The following ZNF274 variants were observed in gnomAD, a reference collection of about 807,000 sequenced individuals.
The protein encoded by ZNF274 is neurotrophin receptor-interacting factor homolog.
ZNF274 carries 23 observed loss-of-function variants against 42.5 expected under a neutral mutation model. That is an observed-to-expected ratio of 0.54 (90% CI 0.39 to 0.77). The LOEUF (loss-of-function observed/expected upper bound fraction) is 0.77, where lower values mean the gene tolerates loss of function less well. ZNF274 is among the 30% of genes least tolerant of loss of function. The probability of loss-of-function intolerance (pLI) is 0.00; values close to 1 mark genes in which losing one functional copy is unlikely to be tolerated. For missense variants in ZNF274, 679 were observed against 806.5 expected (o/e 0.84, Z 1.91); for synonymous variants, 292 against 305.4 (o/e 0.96, Z 0.46).
intron 4 of ZNF274, among the ~76,000 whole-genome samples, chr19:58,197,597 A>G (rs2075859430): frequency 1.3e-5 from 2 of 152,218 alleles, no homozygotes. Flanking sequence ...GGAACTCAGT[A>G]CATAACGTTG....
rs1291323301 is a variant in ZNF274, at chr19:58,213,180, T to G, written c.*37T>G. ...GTTGAAGAAACCTTGCCTTTTCAGC[T>G]TGACCCTGCAATATAACATGCACAG... On this transcript the variant is annotated 3_prime_UTR_variant, in exon 8 of 8. Coordinates refer to ENST00000617501, the MANE Select transcript of ZNF274 (RefSeq NM_133502.3). 6.4e-7 allele frequency: 1 copy of G among 1,570,794 alleles called. No homozygotes were observed. The highest frequency in any genetic ancestry group is 8.6e-7 in the Non-Finnish European group (1 of 1,159,298).
chr19:58,189,185 C>G (rs542109886), intron 4 of ZNF274, among the ~76,000 whole-genome samples: 1 of 151,794 alleles, frequency 6.6e-6, no homozygotes, highest in East Asian at 1.9e-4. Flanking sequence ...ATATCATATC[C>G]CAGACCATAT....
chr19:58,209,858 G>A (rs1459709165), intron 5 of ZNF274, 103 bp from the exon 6 acceptor site: 4 of 678,966 alleles, frequency 5.9e-6, no homozygotes, highest in Middle Eastern at 4.1e-4. Context: ...GCCACAGTAC[G>A]ATGCAGGGGT....
At chr19:58,186,409 G>C (rs910057575) in intron 3 of ZNF274, among the ~76,000 whole-genome samples, 2 of 150,968 alleles carry the variant, frequency 1.3e-5, no homozygotes, top group Non-Finnish European at 3.0e-5. Flanking sequence ...AAAATTAGCC[G>C]AGCACCCCAG....
At chr19:58,209,813 T>C (rs997875520) in intron 5 of ZNF274, 148 bp from the exon 6 acceptor site, 1 of 582,248 alleles carries the variant, frequency 1.7e-6, no homozygotes, top group Non-Finnish European at 3.1e-6. Flanking sequence ...GCAGAGCTGG[T>C]GGGAAGGGAG....
At chr19:58,197,366 G>GAAATAATAAATGAAATAATAAATGA (rs2075856288) in intron 4 of ZNF274, among the ~76,000 whole-genome samples, 1 of 152,160 alleles carries the variant, frequency 6.6e-6, no homozygotes, top group African/African-American at 2.4e-5. Context: ...GAACCCCGTT[G>GAAATAATAAATGAAATAATAAATGA]AATAATAAAA....
intron 4 of ZNF274, among the ~76,000 whole-genome samples, chr19:58,205,427 A>G (rs1384007945): frequency 6.6e-6 from 1 of 152,248 alleles, no homozygotes; most frequent in South Asian, 2.1e-4. Context: ...TAACTGTAAA[A>G]TCAAATTATT....
chr19:58,199,702 G>A (rs1312428647), intron 4 of ZNF274, among the ~76,000 whole-genome samples: 3 of 152,246 alleles, frequency 2.0e-5, no homozygotes, highest in Non-Finnish European at 4.4e-5. Context: ...TATGGTGCGA[G>A]ATTCCATCTC....
chr19:58,207,686 C>T lies in ZNF274; in HGVS notation c.739+484C>T, dbSNP rs1448667867. On this transcript the variant is annotated intron_variant, in intron 5 of 7. Transcript: ENST00000617501. The surrounding 1 kb of genome is among the most constrained non-coding windows in gnomAD (Gnocchi z 5.6). ...AAGGGGGCAGGAAAGATGTGCCATG[C>T]AGAGGGGAGCACTGCCTGTAAGGGC... 6.6e-6 allele frequency among the ~76,000 whole-genome samples: 1 copy of T among 152,090 alleles called. No individual in the cohort carries two copies. Among genetic ancestry groups the T allele is most frequent in the Non-Finnish European group, 1.5e-5 (1 of 68,024 alleles).
intron 4 of ZNF274, among the ~76,000 whole-genome samples, chr19:58,206,325 T>C (rs2075978054): frequency 6.6e-6 from 1 of 152,244 alleles, no homozygotes; most frequent in Admixed American, 6.5e-5. Flanking sequence ...CCTCAGTTGA[T>C]AGACAATGGG....
chr19:58,187,185 T>C (rs772422404), intron 4 of ZNF274, 143 bp downstream of exon 4: 16 of 674,334 alleles, frequency 2.4e-5, no homozygotes, highest in African/African-American at 2.3e-4. Context: ...TCGAAGTTTT[T>C]CTCTGGCTCC....
chr19:58,183,905 A>G lies in ZNF274; in HGVS notation c.-45-16A>G. On this transcript the variant is annotated splice_polypyrimidine_tract_variant and intron_variant, in intron 1 of 7. Transcript: ENST00000617501. ...CCTTAAGCCTCTCCCTCCCCTCCCA[A>G]CTTCGGTTTCCTCAGGACTCTGCCC... The G allele has an allele frequency of 6.5e-7, 1 of 1,549,908 alleles. No individual in the cohort carries two copies. Among genetic ancestry groups the G allele is most frequent in the Non-Finnish European group, 8.7e-7 (1 of 1,143,368 alleles).
rs140471136 is a variant in ZNF274 at position 58,188,556 on chromosome 19, T to G, written c.256+1514T>G. ...TTGCTTAAACCCAGGAGATGGAGGTTGCAGTGAGCAGAGATCATGCCACTG... is the reference window on the plus strand; with the variant it reads ...TTGCTTAAACCCAGGAGATGGAGGTGGCAGTGAGCAGAGATCATGCCACTG... On this transcript the variant is annotated intron_variant, in intron 4 of 7. Transcript: ENST00000617501. Among the ~76,000 whole-genome samples, 7 of 145,842 alleles carry G rather than the reference T, an allele frequency of 4.8e-5. No homozygotes were observed. The East Asian group carries it at 1.4e-3, about 29-fold the overall frequency.
Position 58,183,935 on chromosome 19 carries a change from C to G in ZNF274, c.-31C>G, listed in dbSNP as rs1439849960. 6.3e-7 allele frequency: 1 copy of G among 1,584,980 alleles called. No individual in the cohort carries two copies. Among genetic ancestry groups the G allele is most frequent in the African/African-American group, 1.3e-5 (1 of 74,384 alleles). On this transcript the variant is annotated 5_prime_UTR_variant, in exon 2 of 8. Coordinates refer to ENST00000617501, the MANE Select transcript of ZNF274 (RefSeq NM_133502.3). ...GGTTTCCTCAGGACTCTGCCCACTT[C>G]CACCAGAGACACATTGAGAAGGAGG...
chr19:58,211,720 G>A lies in ZNF274; in HGVS notation c.979+34G>A. ...GTGCCCCCTCTTCACCCACCTCAGGGCTGGTAGGCCACAGGAGCCCCAAGT... is the reference window on the plus strand; with the variant it reads ...GTGCCCCCTCTTCACCCACCTCAGGACTGGTAGGCCACAGGAGCCCCAAGT... On this transcript the variant is annotated intron_variant, in intron 7 of 7. Transcript: ENST00000617501. This position sits in a 1 kb window ranked among gnomAD's most constrained non-coding sequence, Gnocchi z 4.8. 6.3e-7 allele frequency: 1 copy of A among 1,589,132 alleles called. No homozygotes were observed. The highest frequency in any genetic ancestry group is 8.6e-7 in the Non-Finnish European group (1 of 1,165,078).
At chr19:58,202,090 G>A (rs2075919496) in intron 4 of ZNF274, 1 of 152,262 alleles carries the variant, frequency 6.6e-6, no homozygotes, top group South Asian at 2.1e-4. Context: ...TTCCAGACAA[G>A]GAGGAAAAGT....
rs567274882 is a variant in ZNF274 at position 58,212,550 on chromosome 19, G to A, written c.1369G>A (p.Val457Ile). Residue 457 changes from valine to isoleucine, a missense_variant, in exon 8 of 8, where the codon GTT becomes ATT. By Grantham distance (29) the Val-to-Ile change is conservative (BLOSUM62 3). Coordinates refer to ENST00000617501, the MANE Select transcript of ZNF274 (RefSeq NM_133502.3). This position sits in a 1 kb window ranked among gnomAD's most constrained non-coding sequence, Gnocchi z 4.6. Reference protein sequence around the residue: ...RKRLRKRDSQVKSMKHNSRVK... With the variant: ...RKRLRKRDSQIKSMKHNSRVK... The stretch of plus-strand genomic sequence containing the variant: ...ACGATTGCGCAAACGTGACTCACAA[G>A]TTAAAAGTATGAAACATAATTCACG... 1.2e-6 allele frequency: 2 copies of A among 1,613,862 alleles called. No homozygotes were observed. The highest frequency in any genetic ancestry group is 2.2e-5 in the East Asian group (1 of 44,886).
chr19:58,193,281 G>A (rs917329649), intron 4 of ZNF274, among the ~76,000 whole-genome samples: 11 of 151,490 alleles, frequency 7.3e-5, no homozygotes, highest in African/African-American at 2.7e-4. Flanking sequence ...CGAGTAGCTG[G>A]GACTACAGGC....
intron 4 of ZNF274, among the ~76,000 whole-genome samples, chr19:58,188,336 A>G (rs1196500614): frequency 6.6e-6 from 1 of 150,514 alleles, no homozygotes; most frequent in East Asian, 2.0e-4. Context: ...AGAAAATAAA[A>G]TAGGACAGGC....
Sources: allele counts gnomAD v4.1 joint callset (sites outside exome capture counted in the v4.1 genomes callset), GRCh38; gene constraint gnomAD v4.1.1; non-coding constraint Gnocchi (gnomAD v3.1); transcripts MANE v1.5; gene names NCBI Gene and HGNC (gene_info 2026-07-23, HGNC 2026-07-21).